NEBL: variants seen among roughly 807,000 people sequenced by gnomAD.
The protein encoded by NEBL is LIM and SH3 protein 2.
NEBL carries 122 observed loss-of-function variants against 140.2 expected under a neutral mutation model. The observed-to-expected ratio is 0.87, with a 90% CI of 0.75 to 1.01. The LOEUF (loss-of-function observed/expected upper bound fraction) is 1.01, where lower values mean the gene tolerates loss of function less well. Ranked by LOEUF, NEBL falls within the 50% of genes least tolerant of loss-of-function variation. The pLI is 0.00. For synonymous variants in NEBL, 436 were observed against 398.9 expected, an observed-to-expected ratio of 1.09 and a Z score of -1.11; for missense variants, 1,365 against 1,231.3, an observed-to-expected ratio of 1.11 and a Z score of -1.62.
intron 2 of NEBL, among the ~76,000 whole-genome samples, chr10:21,161,764 C>A (rs1357686632): frequency 6.6e-6 from 1 of 152,108 alleles, no homozygotes; most frequent in African/African-American, 2.4e-5. Flanking sequence ...GGCAACCCAT[C>A]AAAGGTAGCT....
intron 9 of NEBL, among the ~76,000 whole-genome samples, chr10:20,853,266 G>A (rs982681060): frequency 2.0e-5 from 3 of 152,120 alleles, no homozygotes; most frequent in African/African-American, 7.2e-5. Flanking sequence ...TGAAAAAATT[G>A]GATGAAGGCT....
At chr10:20,915,564 G>T (rs1350685188) in intron 4 of NEBL, among the ~76,000 whole-genome samples, 2 of 151,528 alleles carry the variant, frequency 1.3e-5, no homozygotes, top group Non-Finnish European at 2.9e-5. Context: ...TTTCATCCAT[G>T]TCCCTACAAA....
At chr10:21,074,023 C>G (rs1210807897) in intron 2 of NEBL, among the ~76,000 whole-genome samples, 1 of 151,898 alleles carries the variant, frequency 6.6e-6, no homozygotes, top group Admixed American at 6.6e-5. Context: ...TGCAGTGAGC[C>G]GAGATCATGC....
intron 3 of NEBL, among the ~76,000 whole-genome samples, chr10:21,011,984 A>T (rs185343328): frequency 9.7e-4 from 148 of 152,356 alleles, no homozygotes; most frequent in African/African-American, 3.4e-3. Context: ...TTTGCCTGCC[A>T]TGCTGCAGAG....
At chr10:21,025,025 G>T (rs1838968270) in intron 2 of NEBL, among the ~76,000 whole-genome samples, 1 of 152,020 alleles carries the variant, frequency 6.6e-6, no homozygotes, top group South Asian at 2.1e-4. Context: ...GAAATCTTAA[G>T]GAAAACAGAA....
intron 1 of NEBL, among the ~76,000 whole-genome samples, chr10:21,277,544 T>C (rs537924554): frequency 2.6e-4 from 39 of 152,246 alleles, no homozygotes; most frequent in African/African-American, 3.4e-4. Flanking sequence ...AGTTTCCACA[T>C]TGGTCAAATG....
At chr10:21,100,761 T>A (rs562018390) in intron 2 of NEBL, among the ~76,000 whole-genome samples, 1 of 152,336 alleles carries the variant, frequency 6.6e-6, no homozygotes, top group Non-Finnish European at 1.5e-5. Flanking sequence ...TCATTCTATA[T>A]CCTTCCATGA....
chr10:20,856,625 G>C (rs760135659), intron 9 of NEBL, among the ~76,000 whole-genome samples: 1 of 151,994 alleles, frequency 6.6e-6, no homozygotes. Flanking sequence ...TCAAGGAATA[G>C]AGGAATGTAA....
chr10:21,079,354 C>G (rs1466147843), intron 2 of NEBL, among the ~76,000 whole-genome samples: 1 of 152,230 alleles, frequency 6.6e-6, no homozygotes, highest in East Asian at 1.9e-4. Context: ...GGTAGGCTCT[C>G]ATTTCTGTGA....
intron 3 of NEBL, among the ~76,000 whole-genome samples, chr10:20,975,255 T>C (rs1342025191): frequency 3.9e-5 from 6 of 152,186 alleles, no homozygotes. Flanking sequence ...TTAAAAGTAC[T>C]AGAAGTGGGA....
intron 3 of NEBL, among the ~76,000 whole-genome samples, chr10:21,010,873 C>T (rs1474642932): frequency 3.1e-4 from 47 of 152,198 alleles, no homozygotes; most frequent in Non-Finnish European, 5.9e-5. Flanking sequence ...CTTTAAACAT[C>T]TTCCAATGTG....
At chr10:21,027,962 C>T (rs1355495151) in intron 2 of NEBL, among the ~76,000 whole-genome samples, 1 of 152,002 alleles carries the variant, frequency 6.6e-6, no homozygotes, top group African/African-American at 2.4e-5. Context: ...TGGCTCACAC[C>T]TGTAATCCCA....
chr10:21,133,301 T>A (rs1839200517), intron 2 of NEBL, among the ~76,000 whole-genome samples: 1 of 152,148 alleles, frequency 6.6e-6, no homozygotes, highest in Non-Finnish European at 1.5e-5. Flanking sequence ...CTAATGAAAT[T>A]ACTAGTTAAA....
chr10:20,947,681 TCACACACA>T (rs5783757), intron 4 of NEBL, among the ~76,000 whole-genome samples: 14 of 144,282 alleles, frequency 9.7e-5, no homozygotes, highest in Non-Finnish European at 1.5e-4. Context: ...TACTGAGAAA[TCACACACA>T]CACACACACA....
chr10:21,165,658 T>C (rs1487101655), intron 2 of NEBL, among the ~76,000 whole-genome samples: 3 of 152,166 alleles, frequency 2.0e-5, no homozygotes, highest in Non-Finnish European at 4.4e-5. Context: ...TGGGGGCATA[T>C]GCAGATACAT....
intron 3 of NEBL, among the ~76,000 whole-genome samples, chr10:21,215,818 G>A (rs1841983749): frequency 6.6e-6 from 1 of 152,122 alleles, no homozygotes; most frequent in Non-Finnish European, 1.5e-5. Context: ...GTGCCACCAT[G>A]CTTGACCAGT....
chr10:21,069,592 C>T (rs1242585474), intron 2 of NEBL, among the ~76,000 whole-genome samples: 2 of 152,188 alleles, frequency 1.3e-5, no homozygotes, highest in Non-Finnish European at 2.9e-5. Context: ...TCTCTTCATC[C>T]TTCCACATTG....
Position 21,030,450 on chromosome 10 carries a change from C to G in NEBL, c.165-10249G>C, listed in dbSNP as rs926343099. 3 of 696,614 alleles carry G rather than the reference C, an allele frequency of 4.3e-6. No individual in the cohort carries two copies. In the African/African-American group the frequency reaches 5.4e-5, roughly 12 times the overall value. 43.2% of individuals were successfully genotyped at this position (696,614 alleles called of 1,614,324 possible). On this transcript the variant is annotated intron_variant, in intron 2 of 6. Coordinates refer to the NEBL transcript ENST00000417816. Reference sequence around the variant, plus strand: ...GAGGAAGACTGTCACTCTCCAACTTCTAAATCTACCAAAACTGATCAGCCC... The same window carrying G: ...GAGGAAGACTGTCACTCTCCAACTTGTAAATCTACCAAAACTGATCAGCCC...
chr10:21,117,242 G>GA lies in NEBL; in HGVS notation c.164+55140dup, dbSNP rs1391498364. ...GGCCTTTCTACTCTGGGTGATAGGGGAAAAAAAAAAACAAACTATTGAGCT... is the reference window on the plus strand; with the variant it reads ...GGCCTTTCTACTCTGGGTGATAGGGGAAAAAAAAAAAACAAACTATTGAGCT... On this transcript the variant is annotated intron_variant, in intron 2 of 6. Transcript: ENST00000417816. Among the ~76,000 whole-genome samples, 315 of 142,786 alleles carry GA rather than the reference G, an allele frequency of 2.2e-3. 1 individual carries two copies. The highest frequency in any genetic ancestry group is 5.8e-3 in the Admixed American group (84 of 14,386). 93.7% of individuals were successfully genotyped at this position (142,786 alleles called of 152,430 possible).
Sources: gnomAD v4.1 joint callset for allele counts (sites outside exome capture counted in the v4.1 genomes callset) on GRCh38, gnomAD v4.1.1 for gene constraint, MANE v1.5 for transcripts, NCBI Gene and HGNC (gene_info 2026-07-23, HGNC 2026-07-21) for gene names.